Variants in SLC15A2 observed in about 807,000 individuals in gnomAD.
The protein encoded by SLC15A2 is kidney H(+)/peptide cotransporter.
In SLC15A2, 77 loss-of-function variants were observed where a neutral mutation model predicts 95.5. That is an observed-to-expected ratio of 0.81 (90% CI 0.67 to 0.97). SLC15A2 has a LOEUF of 0.97. SLC15A2 is among the 50% of genes least tolerant of loss of function. SLC15A2 has a pLI of 0.00. For synonymous variants in SLC15A2, 306 were observed against 306.9 expected (o/e 1.00, Z 0.03); for missense variants, 893 against 874.4 (o/e 1.02, Z -0.27).
intron 16 of SLC15A2, 25 bp from the exon 17 acceptor site, chr3:121,929,277 T>G: frequency 6.2e-7 from 1 of 1,613,100 alleles, no homozygotes; most frequent in South Asian, 1.1e-5. Context: ...CAGCTGTTAC[T>G]GATTTTTACT....
At chr3:121,921,618 G>T (rs974874685) in intron 7 of SLC15A2, among the ~76,000 whole-genome samples, 3 of 152,082 alleles carry the variant, frequency 2.0e-5, no homozygotes, top group African/African-American at 7.3e-5. Context: ...AATGAATTTG[G>T]GAAGGTCTTT....
chr3:121,909,494 A>G (rs1367672489), intron 3 of SLC15A2, among the ~76,000 whole-genome samples: 3 of 152,204 alleles, frequency 2.0e-5, no homozygotes, highest in Admixed American at 2.0e-4. Flanking sequence ...TGACCCTAAT[A>G]TCTCGTTTCA....
intron 3 of SLC15A2, among the ~76,000 whole-genome samples, chr3:121,901,255 G>C (rs1267052457): frequency 1.3e-5 from 2 of 152,128 alleles, no homozygotes. Context: ...GACCTCAAGT[G>C]GTCCACCCAC....
chr3:121,930,856 C>T lies in SLC15A2; in HGVS notation c.1570C>T (p.His524Tyr). 3 of 1,609,328 alleles carry T rather than the reference C, an allele frequency of 1.9e-6. No homozygotes were observed. The highest frequency in any genetic ancestry group is 2.6e-6 in the Non-Finnish European group (3 of 1,175,830). ...TACCCTCAGGTTTGTTAACACTTTG[C>T]ATAAAGATGTCAACATCTCCCTGAG... ...MTTVRFVNTL[H>Y]KDVNISLSTD... Residue 524 changes from histidine (H) to tyrosine (Y), a missense_variant, in exon 18 of 22, where the codon CAT becomes TAT. Coordinates refer to ENST00000489711, the MANE Select transcript of SLC15A2 (RefSeq NM_021082.4).
intron 19 of SLC15A2, among the ~76,000 whole-genome samples, chr3:121,933,918 C>A (rs1710284682): frequency 1.3e-5 from 2 of 150,132 alleles, no homozygotes; most frequent in Admixed American, 6.7e-5. Flanking sequence ...AGTCTTTAAT[C>A]CATCTTGAAT....
At chr3:121,896,680 C>T (rs562183862) in intron 2 of SLC15A2, among the ~76,000 whole-genome samples, 187 bp downstream of exon 2, 1 of 152,068 alleles carries the variant, frequency 6.6e-6, no homozygotes, top group South Asian at 2.1e-4. Context: ...AATATGTAGG[C>T]CAAGATCAGA....
In SLC15A2 at chr3:121,941,928, G is replaced by A. The variant is rs1247046285; in HGVS notation, c.*921G>A. On this transcript the variant is annotated 3_prime_UTR_variant, in exon 22 of 22. Coordinates refer to ENST00000489711, the MANE Select transcript of SLC15A2 (RefSeq NM_021082.4). ...ATTACACCTTGTCTTGCTTATTGCA[G>A]CAAATATTCAATAACAACAATGTTT... The A allele has an allele frequency of 6.6e-6, 1 of 152,132 alleles. No homozygotes were observed. Among genetic ancestry groups the A allele is most frequent in the African/African-American group, 2.4e-5 (1 of 41,438 alleles). The allele number at this position is 152,132 out of a possible 1,614,324, so 9.4% of individuals were successfully genotyped here.
chr3:121,925,132 G>A, intron 13 of SLC15A2, 99 bp downstream of exon 13: 3 of 848,818 alleles, frequency 3.5e-6, no homozygotes, highest in Admixed American at 3.8e-5. Flanking sequence ...AGTGAGGATT[G>A]GTTTTAGTTT....
At chr3:121,920,595 C>T (rs1709986291) in intron 7 of SLC15A2, among the ~76,000 whole-genome samples, 1 of 152,142 alleles carries the variant, frequency 6.6e-6, no homozygotes, top group East Asian at 1.9e-4. Flanking sequence ...CGCGCCCAGC[C>T]GTCTAGGTAC....
At chr3:121,919,148 T>TGTTC (rs1709955340) in intron 7 of SLC15A2, among the ~76,000 whole-genome samples, 1 of 152,202 alleles carries the variant, frequency 6.6e-6, no homozygotes, top group Non-Finnish European at 1.5e-5. Context: ...ATGTTACAGC[T>TGTTC]GTTCACTCCT....
At chr3:121,939,140 A>G (rs542661940) in intron 19 of SLC15A2, 44 of 387,278 alleles carry the variant, frequency 1.1e-4, no homozygotes, top group Admixed American at 2.3e-4. Context: ...CTCTGTCAAT[A>G]ATGATATCTG....
chr3:121,932,813 A>C (rs1710258314), intron 19 of SLC15A2, among the ~76,000 whole-genome samples: 1 of 152,114 alleles, frequency 6.6e-6, no homozygotes, highest in Admixed American at 6.5e-5. Flanking sequence ...CACATTGTGC[A>C]GGTTAGTTAC....
In SLC15A2 at chr3:121,935,926, A is replaced by G. The variant is rs559180587; in HGVS notation, c.1762-3423A>G. Among the ~76,000 whole-genome samples, 64 of 150,152 alleles carry G rather than the reference A, an allele frequency of 4.3e-4. No homozygotes were observed. In the South Asian group the frequency reaches 0.014, roughly 33 times the overall value. ...TAGTGCTATAAATTTCCTTCTACACACTGCTTTGAATGTGTCCCAGAGATT... is the reference window on the plus strand; with the variant it reads ...TAGTGCTATAAATTTCCTTCTACACGCTGCTTTGAATGTGTCCCAGAGATT... On this transcript the variant is annotated intron_variant, in intron 19 of 21. Transcript: ENST00000489711.
chr3:121,917,310 A>G (rs1403232534), intron 7 of SLC15A2, among the ~76,000 whole-genome samples: 1 of 152,204 alleles, frequency 6.6e-6, no homozygotes, highest in Non-Finnish European at 1.5e-5. Context: ...ACAATATGGT[A>G]TGATCAGTAT....
chr3:121,915,228 C>A lies in SLC15A2; in HGVS notation c.530C>A (p.Ala177Glu). 2 of 1,610,936 alleles carry A rather than the reference C, an allele frequency of 1.2e-6. No individual in the cohort carries two copies. Among genetic ancestry groups the A allele is most frequent in the Non-Finnish European group, 1.7e-6 (2 of 1,177,164 alleles). Residue 177 changes from alanine to glutamate, a missense_variant and splice_region_variant, in exon 6 of 22, where the codon GCA (alanine) becomes GAA (glutamate). Coordinates refer to ENST00000489711, the MANE Select transcript of SLC15A2 (RefSeq NM_021082.4). ...FGGDQFEEKH[A>E]EERTRYFSVF... ...GATGATTTATCCTGTTTGTTTCAGG[C>A]AGAGGAACGGACTAGATACTTCTCA...
In SLC15A2 at chr3:121,915,166, C is replaced by T. The variant is rs560334928; in HGVS notation, c.529-61C>T. On this transcript the variant is annotated intron_variant, in intron 5 of 21. Coordinates refer to ENST00000489711, the MANE Select transcript of SLC15A2 (RefSeq NM_021082.4). ...GTGTACCTTCAGCTCTGAATCTGAACGTGGAGTGGGGCTGGAGCTAGGGGA... is the reference window on the plus strand; with the variant it reads ...GTGTACCTTCAGCTCTGAATCTGAATGTGGAGTGGGGCTGGAGCTAGGGGA... The T allele has an allele frequency of 1.7e-4, 227 of 1,329,632 alleles. No homozygotes were observed. The African/African-American group carries it at 2.4e-3, about 14-fold the overall frequency. 82.4% of individuals were successfully genotyped at this position (1,329,632 alleles called of 1,614,324 possible). A position where few individuals can be genotyped will look rare whatever the true frequency, so the allele number is the denominator to read the frequency against.
intron 5 of SLC15A2, among the ~76,000 whole-genome samples, chr3:121,913,871 T>C (rs953730): frequency 0.76 from 114,730 of 151,808 alleles, 43,570 homozygotes; most frequent in East Asian, 0.92. Flanking sequence ...GTATCCATTC[T>C]CTCTTCTATA....
rs138962289 is a variant in SLC15A2 at position 121,941,281 on chromosome 3, C to G, written c.*274C>G. 1 of 279,214 alleles carries G rather than the reference C, an allele frequency of 3.6e-6. No individual in the cohort carries two copies. Among genetic ancestry groups the G allele is most frequent in the Non-Finnish European group, 6.6e-6 (1 of 150,730 alleles). The allele number at this position is 279,214 out of a possible 1,614,324, so 17.3% of individuals were successfully genotyped here. On this transcript the variant is annotated 3_prime_UTR_variant, in exon 22 of 22. Transcript: ENST00000489711. ...CTCCAAATGACCATGAAAATACACA[C>G]GTATAATGGAGATCATTCTCTGTGG...
At chr3:121,936,567 A>G (rs575418051) in intron 19 of SLC15A2, among the ~76,000 whole-genome samples, 1 of 150,920 alleles carries the variant, frequency 6.6e-6, no homozygotes, top group Non-Finnish European at 1.5e-5. Flanking sequence ...AGTCTGTTTT[A>G]TCAGAGACTA....
Sources: allele counts gnomAD v4.1 joint callset (sites outside exome capture counted in the v4.1 genomes callset), GRCh38; gene constraint gnomAD v4.1.1; transcripts MANE v1.5; gene names NCBI Gene and HGNC (gene_info 2026-07-23, HGNC 2026-07-21).